Variants in ZSCAN4 observed in about 807,000 individuals in gnomAD.
ZSCAN4 encodes zinc finger and SCAN domain-containing protein 4.
Under a neutral mutation model 18.3 loss-of-function variants are expected in ZSCAN4, and 18 were observed. That is an observed-to-expected ratio of 0.98 (90% CI 0.68 to 1.46). The LOEUF is 1.46. ZSCAN4 is among the 40% of genes most tolerant of loss of function. ZSCAN4 has a pLI of 0.00. For synonymous variants in ZSCAN4, 193 were observed against 180.3 expected, an observed-to-expected ratio of 1.07 and a Z score of -0.57; for missense variants, 498 against 511.4, an observed-to-expected ratio of 0.97 and a Z score of 0.25.
In ZSCAN4 at chr19:57,677,796, AAT is replaced by A. The variant is rs1004728162; in HGVS notation, c.397-115_397-114del. On this transcript the variant is annotated intron_variant, in intron 3 of 4. Transcript: ENST00000318203. ...TAACACCATCAGAGATGGTGGACAA[AAT>A]ATGTGATAGCCAATACTTGAGGGAG... 8.0e-5 allele frequency: 72 copies of A among 904,560 alleles called. 1 individual carries two copies. The highest frequency in any genetic ancestry group is 5.1e-4 in the East Asian group (18 of 35,360). 56.0% of individuals were successfully genotyped at this position (904,560 alleles called of 1,614,324 possible).
intron 3 of ZSCAN4, 147 bp from the exon 4 acceptor site, chr19:57,677,767 A>G: frequency 1.7e-6 from 1 of 592,584 alleles, no homozygotes; most frequent in South Asian, 4.8e-5. Context: ...TGTAGTAACA[A>G]GAATAACACC....
intron 2 of ZSCAN4, among the ~76,000 whole-genome samples, chr19:57,673,957 T>A (rs570113564): frequency 2.0e-5 from 3 of 152,272 alleles, no homozygotes; most frequent in African/African-American, 7.2e-5. Flanking sequence ...TTTCGCCATG[T>A]TGGCAAGGCT....
the ZSCAN4 span, among the ~76,000 whole-genome samples, chr19:57,661,493 G>A: frequency 6.6e-6 from 1 of 152,090 alleles, no homozygotes; most frequent in Admixed American, 6.5e-5. Flanking sequence ...TCCACAGGTT[G>A]ATGTATATAT....
At chr19:57,671,590 T>A (rs1984024872) in intron 2 of ZSCAN4, among the ~76,000 whole-genome samples, 1 of 151,826 alleles carries the variant, frequency 6.6e-6, no homozygotes, top group Non-Finnish European at 1.5e-5. Flanking sequence ...AGTGTAGAGC[T>A]GGCCCAGGAA....
Position 57,673,617 on chromosome 19 carries a change from C to T in ZSCAN4, c.-105-2424C>T, listed in dbSNP as rs143025273. Among the ~76,000 whole-genome samples the T allele has an allele frequency of 6.3e-3, 956 of 152,230 alleles. 3 individuals are homozygous for T. The highest frequency in any genetic ancestry group is 0.018 in the East Asian group (93 of 5,162). Reference sequence around the variant, plus strand: ...ACTGCACTCTAGCCTGTCTGACAGACGGAGACCCTGTCTCAAAATAAATCA... The same window carrying T: ...ACTGCACTCTAGCCTGTCTGACAGATGGAGACCCTGTCTCAAAATAAATCA... On this transcript the variant is annotated intron_variant, in intron 2 of 4. Transcript: ENST00000318203.
At chr19:57,653,390 GAA>G in the ZSCAN4 span, among the ~76,000 whole-genome samples, 18 of 76,480 alleles carry the variant, frequency 2.4e-4, no homozygotes, top group Non-Finnish European at 4.7e-4. Flanking sequence ...CCATCTCAAA[GAA>G]AAAAAAAAAA....
the ZSCAN4 span, among the ~76,000 whole-genome samples, chr19:57,656,607 A>G: frequency 1.3e-5 from 2 of 152,246 alleles, no homozygotes; most frequent in Non-Finnish European, 2.9e-5. Context: ...GCCATTTCCC[A>G]GAACAGGACT....
chr19:57,666,952 G>T (rs1351615403), upstream of ZSCAN4, among the ~76,000 whole-genome samples: 1 of 151,946 alleles, frequency 6.6e-6, no homozygotes, highest in Non-Finnish European at 1.5e-5. Flanking sequence ...ATACTGAGGC[G>T]GATTGGCTTT....
At chr19:57,679,146 G>C (rs946408339) in exon 5 of ZSCAN4, 1 of 314,490 alleles carries the variant, frequency 3.2e-6, no homozygotes, top group Non-Finnish European at 5.7e-6. Context: ...ATAAATGAAT[G>C]AATCCATAAT....
exon 5 of ZSCAN4, chr19:57,678,728 G>C: frequency 6.2e-7 from 1 of 1,614,112 alleles, no homozygotes; most frequent in African/African-American, 1.3e-5. Flanking sequence ...TGTGTAAAAA[G>C]TCCTTCAGCC....
chr19:57,672,366 C>T (rs2122297013), intron 2 of ZSCAN4, among the ~76,000 whole-genome samples: 1 of 152,148 alleles, frequency 6.6e-6, no homozygotes, highest in Non-Finnish European at 1.5e-5. Context: ...ATGTCTGTGC[C>T]TAATAAGTTT....
exon 3 of ZSCAN4, chr19:57,676,147 T>C (rs749547809): frequency 6.9e-6 from 11 of 1,598,542 alleles, no homozygotes; most frequent in East Asian, 2.2e-5. Context: ...TTGCTAAGAA[T>C]GGCTTTAGAT....
exon 5 of ZSCAN4, chr19:57,678,442 A>T (rs1479122363): frequency 6.2e-7 from 1 of 1,614,146 alleles, no homozygotes; most frequent in South Asian, 1.1e-5. Flanking sequence ...CAACCAGAGC[A>T]GTCCTCCCCT....
At chr19:57,661,392 A>G in the ZSCAN4 span, among the ~76,000 whole-genome samples, 1 of 152,094 alleles carries the variant, frequency 6.6e-6, no homozygotes, top group Non-Finnish European at 1.5e-5. Flanking sequence ...CTTTCTCCAT[A>G]TTCCCTTCAT....
At chr19:57,655,907 ACACAAG>A in the ZSCAN4 span, among the ~76,000 whole-genome samples, 6 of 152,068 alleles carry the variant, frequency 3.9e-5, no homozygotes, top group African/African-American at 1.4e-4. Flanking sequence ...TCGTTGCCAA[ACACAAG>A]CTCCTAGAGT....
intron 2 of ZSCAN4, 102 bp from the exon 3 acceptor site, chr19:57,675,939 T>C: frequency 2.0e-6 from 1 of 499,064 alleles, no homozygotes; most frequent in Non-Finnish European, 3.5e-6. Flanking sequence ...TAATTATTTC[T>C]TTGAATTCAT....
At chr19:57,661,416 C>A in the ZSCAN4 span, among the ~76,000 whole-genome samples, 1 of 152,118 alleles carries the variant, frequency 6.6e-6, no homozygotes, top group African/African-American at 2.4e-5. Context: ...ACGTGCTAAT[C>A]AGTGACCATA....
chr19:57,656,029 G>A, the ZSCAN4 span, among the ~76,000 whole-genome samples: 1 of 152,114 alleles, frequency 6.6e-6, no homozygotes, highest in East Asian at 1.9e-4. Flanking sequence ...TACACTAACT[G>A]TAAGTATGCA....
At chr19:57,654,711 C>A in the ZSCAN4 span, among the ~76,000 whole-genome samples, 1 of 152,200 alleles carries the variant, frequency 6.6e-6, no homozygotes, top group Non-Finnish European at 1.5e-5. Flanking sequence ...CCACCTCCAC[C>A]ACTCATTTAT....
Sources: gnomAD v4.1 joint callset for allele counts (sites outside exome capture counted in the v4.1 genomes callset) on GRCh38, gnomAD v4.1.1 for gene constraint, MANE v1.5 for transcripts, NCBI Gene and HGNC (gene_info 2026-07-23, HGNC 2026-07-21) for gene names.